XKR6: variants seen among roughly 807,000 people sequenced by gnomAD.
XKR6 encodes the protein XK-related protein 6.
XKR6 carries 22 observed loss-of-function variants against 56.7 expected under a neutral mutation model. The observed-to-expected ratio is 0.39, with a 90% CI of 0.28 to 0.55. XKR6 has a LOEUF of 0.55. Among genes scored for constraint, XKR6 ranks in the 20% least tolerant of loss-of-function variants. The probability of loss-of-function intolerance (pLI) is 0.66; values close to 1 mark genes in which losing one functional copy is unlikely to be tolerated. For synonymous variants in XKR6, 524 were observed against 387.8 expected, an observed-to-expected ratio of 1.35 and a Z score of -4.13; for missense variants, 852 against 889.0, an observed-to-expected ratio of 0.96 and a Z score of 0.53.
intron 1 of XKR6, among the ~76,000 whole-genome samples, chr8:10,985,897 C>T (rs1797852360): frequency 6.6e-6 from 1 of 152,202 alleles, no homozygotes. Flanking sequence ...TGAGCCACTG[C>T]ACCTGGCCAG....
intron 1 of XKR6, among the ~76,000 whole-genome samples, chr8:10,964,895 A>AC (rs1802170717): frequency 6.6e-6 from 1 of 152,226 alleles, no homozygotes; most frequent in South Asian, 2.1e-4. Context: ...ATTCGGACTT[A>AC]GTTTCCCCGG....
chr8:11,032,007 T>C (rs1485409209), intron 1 of XKR6, among the ~76,000 whole-genome samples: 1 of 152,220 alleles, frequency 6.6e-6, no homozygotes, highest in Non-Finnish European at 1.5e-5. Context: ...GGTGTGCGTG[T>C]CCCCATTCAG....
At chr8:11,169,127 T>A (rs1055794542) in intron 1 of XKR6, among the ~76,000 whole-genome samples, 21 of 152,164 alleles carry the variant, frequency 1.4e-4, no homozygotes, top group African/African-American at 5.1e-4. Context: ...AGCACATTCC[T>A]TCCCTGCCCA....
chr8:11,171,282 G>GCACA (rs142606929), intron 1 of XKR6, among the ~76,000 whole-genome samples: 1 of 152,116 alleles, frequency 6.6e-6, no homozygotes, highest in Non-Finnish European at 1.5e-5. Context: ...ATGTGCGACT[G>GCACA]CACACACACA....
chr8:11,050,839 C>A (rs1215012380), intron 1 of XKR6, among the ~76,000 whole-genome samples: 1 of 152,080 alleles, frequency 6.6e-6, no homozygotes, highest in East Asian at 1.9e-4. Context: ...ATCCCCCATT[C>A]CCCAGTGCTG....
intron 1 of XKR6, among the ~76,000 whole-genome samples, chr8:11,162,648 G>A (rs1801871880): frequency 6.6e-6 from 1 of 152,078 alleles, no homozygotes; most frequent in Non-Finnish European, 1.5e-5. Flanking sequence ...TAGTTGTTTT[G>A]ATTATTTAAA....
intron 1 of XKR6, among the ~76,000 whole-genome samples, chr8:10,997,343 C>G (rs1458521766): frequency 6.6e-6 from 1 of 152,172 alleles, no homozygotes; most frequent in Admixed American, 6.5e-5. Context: ...ACCACTGTTA[C>G]TATTTCCATT....
chr8:11,065,036 A>G (rs1209770202), intron 1 of XKR6, among the ~76,000 whole-genome samples: 1 of 152,266 alleles, frequency 6.6e-6, no homozygotes, highest in African/African-American at 2.4e-5. Flanking sequence ...CTAAAAGGAT[A>G]TGACACAGCA....
rs965912639 is a variant in XKR6 at position 11,200,406 on chromosome 8, G to T, written c.764+170C>A. ...CCTCCCCGGGCCAAAGGCGTGGCCAGGGATCCAGATCAAACGCCGGTCTTT... is the reference window on the plus strand; with the variant it reads ...CCTCCCCGGGCCAAAGGCGTGGCCATGGATCCAGATCAAACGCCGGTCTTT... On this transcript the variant is annotated intron_variant, in intron 1 of 2. Transcript: ENST00000416569. This position sits in a 1 kb window ranked among gnomAD's most constrained non-coding sequence, Gnocchi z 6.4. 6.6e-6 allele frequency among the ~76,000 whole-genome samples: 1 copy of T among 152,226 alleles called. No individual in the cohort carries two copies. The highest frequency in any genetic ancestry group is 1.5e-5 in the Non-Finnish European group (1 of 68,024).
At chr8:11,046,101 T>A (rs1324811790) in intron 1 of XKR6, among the ~76,000 whole-genome samples, 1 of 152,026 alleles carries the variant, frequency 6.6e-6, no homozygotes, top group Non-Finnish European at 1.5e-5. Flanking sequence ...CCAAAAGAAT[T>A]TAAAGCAGGG....
intron 1 of XKR6, among the ~76,000 whole-genome samples, chr8:11,083,283 G>A (rs1258500050): frequency 6.6e-6 from 1 of 152,180 alleles, no homozygotes; most frequent in Non-Finnish European, 1.5e-5. Flanking sequence ...ACAGGAGTGA[G>A]GAAGGAATGG....
intron 1 of XKR6, among the ~76,000 whole-genome samples, chr8:11,195,693 G>T (rs1440153330): frequency 6.8e-6 from 1 of 147,490 alleles, no homozygotes; most frequent in African/African-American, 2.5e-5. Flanking sequence ...CTGTCGCCCA[G>T]GCTGGAGTGC....
chr8:11,013,692 G>C (rs1354963792), intron 1 of XKR6, among the ~76,000 whole-genome samples: 7 of 152,232 alleles, frequency 4.6e-5, no homozygotes, highest in African/African-American at 1.7e-4. Context: ...GGGGATGGGA[G>C]GGCCTCCCCT....
At chr8:11,179,992 A>G (rs1430118201) in intron 1 of XKR6, among the ~76,000 whole-genome samples, 2 of 152,064 alleles carry the variant, frequency 1.3e-5, no homozygotes, top group East Asian at 1.9e-4. Context: ...AATAAAAAAC[A>G]GCTGGGCATG....
chr8:11,022,504 G>C (rs74465550), intron 1 of XKR6, among the ~76,000 whole-genome samples: 9,470 of 152,260 alleles, frequency 0.062, 358 homozygotes, highest in South Asian at 0.11. Flanking sequence ...CAGAAATTAG[G>C]TCTTAGACAC....
At chr8:10,901,779 T>C (rs1800042296) in intron 2 of XKR6, among the ~76,000 whole-genome samples, 1 of 152,216 alleles carries the variant, frequency 6.6e-6, no homozygotes, top group African/African-American at 2.4e-5. Context: ...TGCTGGGGCC[T>C]GGTCAGATCC....
rs997236680 is a variant in XKR6, at chr8:11,144,546, G to C, written c.764+56030C>G. 5.3e-5 allele frequency among the ~76,000 whole-genome samples: 8 copies of C among 152,010 alleles called. No homozygotes were observed. The East Asian group carries it at 7.7e-4, about 15-fold the overall frequency. On this transcript the variant is annotated intron_variant, in intron 1 of 2. Transcript: ENST00000416569. Reference sequence around the variant, plus strand: ...CAGGATGGCGCTAAGAGCTCGGCTGGTAATGATTTTGACTAACGAGCAGTT... The same window carrying C: ...CAGGATGGCGCTAAGAGCTCGGCTGCTAATGATTTTGACTAACGAGCAGTT...
At chr8:11,147,313 G>C (rs1231603503) in intron 1 of XKR6, among the ~76,000 whole-genome samples, 1 of 152,034 alleles carries the variant, frequency 6.6e-6, no homozygotes, top group Non-Finnish European at 1.5e-5. Flanking sequence ...TCAATAATAA[G>C]AAGCCAAACA....
intron 1 of XKR6, among the ~76,000 whole-genome samples, chr8:11,057,891 C>T (rs1799726250): frequency 6.6e-6 from 1 of 152,186 alleles, no homozygotes; most frequent in South Asian, 2.1e-4. Context: ...TGAGCACCTG[C>T]CGCATCTGAC....
Sources: gnomAD v4.1 joint callset for allele counts (sites outside exome capture counted in the v4.1 genomes callset) on GRCh38, gnomAD v4.1.1 for gene constraint, Gnocchi (gnomAD v3.1) non-coding constraint, MANE v1.5 for transcripts, NCBI Gene and HGNC (gene_info 2026-07-23, HGNC 2026-07-21) for gene names.